Variants in PAICS observed in about 807,000 individuals in gnomAD.
The protein encoded by PAICS is phosphoribosylaminoimidazole carboxylase and phosphoribosylaminoimidazolesuccinocarboxamide synthase, also known as bifunctional phosphoribosylaminoimidazole carboxylase/phosphoribosylaminoimidazole succinocarboxamide synthetase.
A neutral mutation model predicts 53.7 loss-of-function variants in PAICS; 33 were observed. The ratio of observed to expected loss-of-function variants is 0.61; its 90% CI spans 0.47 to 0.82. PAICS has a LOEUF of 0.82. Ranked by LOEUF, PAICS falls within the 40% of genes least tolerant of loss-of-function variation. PAICS has a pLI of 0.00. For missense variants in PAICS, 394 were observed against 494.1 expected, an observed-to-expected ratio of 0.80 and a Z score of 1.92; for synonymous variants, 141 against 167.2, an observed-to-expected ratio of 0.84 and a Z score of 1.21.
chr4:56,412,762 C>A, the PAICS span, among the ~76,000 whole-genome samples: 1 of 152,152 alleles, frequency 6.6e-6, no homozygotes, highest in Non-Finnish European at 1.5e-5. Flanking sequence ...TTATGACTAA[C>A]CAGAACTTCA....
At chr4:56,438,826 A>G (rs1162479484) in intron 1 of PAICS, among the ~76,000 whole-genome samples, 1 of 152,196 alleles carries the variant, frequency 6.6e-6, no homozygotes, top group Non-Finnish European at 1.5e-5. Flanking sequence ...TTTATATCGA[A>G]TGCAGTATAT....
At chr4:56,427,336 GA>G in the PAICS span, among the ~76,000 whole-genome samples, 1 of 152,092 alleles carries the variant, frequency 6.6e-6, no homozygotes, top group Non-Finnish European at 1.5e-5. Context: ...GTTTTTATGT[GA>G]ACATGTTTTC....
At chr4:56,436,079 C>T, upstream of PAICS, 2 of 1,486,246 alleles carry the variant, frequency 1.3e-6, no homozygotes, top group East Asian at 5.0e-5. Flanking sequence ...GGGGTCGCGT[C>T]TCTGCGCCTG....
the PAICS span, among the ~76,000 whole-genome samples, chr4:56,426,810 G>A: frequency 3.9e-5 from 6 of 152,180 alleles, no homozygotes; most frequent in South Asian, 4.2e-4. Context: ...GTACGTTCAC[G>A]TTGTTGTGCA....
upstream of PAICS, among the ~76,000 whole-genome samples, chr4:56,434,764 T>C (rs7435941): frequency 0.046 from 6,955 of 152,340 alleles, 196 homozygotes; most frequent in Admixed American, 0.092. Flanking sequence ...CTACTACCAG[T>C]AGTCATTCTC....
upstream of PAICS, among the ~76,000 whole-genome samples, chr4:56,432,525 C>CAAAA (rs34998854): frequency 2.7e-5 from 2 of 75,366 alleles, no homozygotes; most frequent in African/African-American, 9.6e-5. Context: ...GACCCTGTCT[C>CAAAA]AAAAAAAAAA....
chr4:56,440,252 T>C (rs926353963), intron 1 of PAICS, among the ~76,000 whole-genome samples: 1 of 152,134 alleles, frequency 6.6e-6, no homozygotes, highest in African/African-American at 2.4e-5. Context: ...AATAGACAAA[T>C]AAGAGTTTGG....
chr4:56,450,010 T>C (rs894304620), intron 5 of PAICS, among the ~76,000 whole-genome samples: 5 of 150,502 alleles, frequency 3.3e-5, no homozygotes, highest in Non-Finnish European at 7.4e-5. Context: ...AATGAGATCA[T>C]GTCCTTTGCA....
intron 6 of PAICS, chr4:56,451,085 G>C (rs866270047): frequency 3.6e-5 from 6 of 165,228 alleles, no homozygotes; most frequent in South Asian, 1.6e-4. Flanking sequence ...CCAAAGTGCC[G>C]GGATTACAGG....
intron 1 of PAICS, among the ~76,000 whole-genome samples, chr4:56,437,419 G>GT (rs1718072169): frequency 6.6e-6 from 1 of 151,990 alleles, no homozygotes; most frequent in Admixed American, 6.6e-5. Context: ...ACAAATGCTG[G>GT]TTTTTTCCAC....
At chr4:56,418,443 C>G in the PAICS span, among the ~76,000 whole-genome samples, 1 of 152,124 alleles carries the variant, frequency 6.6e-6, no homozygotes, top group African/African-American at 2.4e-5. Context: ...CCTCAGCCTC[C>G]CAAATACCTG....
chr4:56,451,765 G>T, intron 6 of PAICS, 107 bp from the exon 7 acceptor site: 2 of 631,970 alleles, frequency 3.2e-6, no homozygotes, highest in South Asian at 5.7e-5. Context: ...AATTTGATCT[G>T]TTAAGAAAGA....
At chr4:56,419,432 T>A in the PAICS span, among the ~76,000 whole-genome samples, 1 of 152,172 alleles carries the variant, frequency 6.6e-6, no homozygotes, top group Non-Finnish European at 1.5e-5. Flanking sequence ...GTAACCGGCA[T>A]AATAATGGAC....
At chr4:56,434,798 T>C (rs1717806727), upstream of PAICS, among the ~76,000 whole-genome samples, 2 of 152,238 alleles carry the variant, frequency 1.3e-5, no homozygotes, top group African/African-American at 4.8e-5. Context: ...CATCTTTCCC[T>C]GGGTCTGAAG....
chr4:56,462,006 C>T lies in PAICS; in HGVS notation c.*2468C>T, dbSNP rs887496147. 6.6e-6 allele frequency: 1 copy of T among 152,102 alleles called. No homozygotes were observed. Among genetic ancestry groups the T allele is most frequent in the African/African-American group, 2.4e-5 (1 of 41,408 alleles). 9.4% of individuals were successfully genotyped at this position (152,102 alleles called of 1,614,324 possible). On this transcript the variant is annotated 3_prime_UTR_variant, in exon 9 of 9. Coordinates refer to ENST00000512576, the MANE Select transcript of PAICS (RefSeq NM_001079524.2). ...CCATTCACCCAATACTGGTTTGATT[C>T]TAGGGCCTAGGAAAATAGGACTGAG...
At chr4:56,438,380 T>TATATATATATATATATATATATATATAA (rs1718144845) in intron 1 of PAICS, among the ~76,000 whole-genome samples, 8 of 66,460 alleles carry the variant, frequency 1.2e-4, no homozygotes, top group Non-Finnish European at 2.1e-4. Context: ...TTTATATATA[T>TATATATATATATATATATATATATATAA]ATATATATAT....
At chr4:56,419,842 G>A in the PAICS span, 1 of 984,166 alleles carries the variant, frequency 1.0e-6, no homozygotes, top group Non-Finnish European at 1.2e-6. Context: ...TGGAAACAGT[G>A]CAGAACAAAA....
At chr4:56,430,953 G>T (rs1324675899), upstream of PAICS, among the ~76,000 whole-genome samples, 6 of 151,950 alleles carry the variant, frequency 3.9e-5, no homozygotes, top group Non-Finnish European at 8.8e-5. Context: ...ACTTTTGGGG[G>T]CAGGTAAATT....
chr4:56,436,485 C>T, intron 1 of PAICS, 157 bp downstream of exon 1: 1 of 727,832 alleles, frequency 1.4e-6, no homozygotes, highest in Non-Finnish European at 2.5e-6. Context: ...TCCCGGGCCT[C>T]CCCGAACTTT....
Sources: allele counts gnomAD v4.1 joint callset (sites outside exome capture counted in the v4.1 genomes callset), GRCh38; gene constraint gnomAD v4.1.1; transcripts MANE v1.5; gene names NCBI Gene and HGNC (gene_info 2026-07-23, HGNC 2026-07-21).